HSF5: variants seen among roughly 807,000 people sequenced by gnomAD.
The protein encoded by HSF5 is heat shock factor protein 5.
A neutral mutation model predicts 50.8 loss-of-function variants in HSF5; 5 were observed. The ratio of observed to expected loss-of-function variants is 0.10; its 90% confidence interval spans 0.05 to 0.21. The LOEUF is 0.21. Among genes scored for constraint, HSF5 ranks in the 10% least tolerant of loss-of-function variants. HSF5 has a pLI of 1.00. For synonymous variants in HSF5, 307 were observed against 307.4 expected (o/e 1.00, Z 0.02); for missense variants, 564 against 762.6 (o/e 0.74, Z 3.07).
intron 2 of HSF5, 36 bp from the exon 3 acceptor site, chr17:58,467,015 A>G: frequency 7.4e-7 from 1 of 1,352,102 alleles, no homozygotes; most frequent in Non-Finnish European, 1.1e-6. Context: ...GCCATCAACC[A>G]CAATACATTT....
At chr17:58,476,386 C>T (rs1353035201) in intron 2 of HSF5, 2 of 1,033,402 alleles carry the variant, frequency 1.9e-6, no homozygotes, top group Admixed American at 3.4e-5. Context: ...GGTAAAGAAG[C>T]TCCCTGGTTC....
chr17:58,485,539 G>C (rs1567920606), intron 1 of HSF5, among the ~76,000 whole-genome samples: 1 of 150,966 alleles, frequency 6.6e-6, no homozygotes, highest in Non-Finnish European at 1.5e-5. Context: ...TTGAGCCCAG[G>C]AGTTCCAGAC....
intron 5 of HSF5, among the ~76,000 whole-genome samples, chr17:58,430,437 G>A (rs143132907): frequency 6.6e-6 from 1 of 152,284 alleles, no homozygotes; most frequent in African/African-American, 2.4e-5. Context: ...GAGTCTGAGT[G>A]GACTAGGTGG....
intron 1 of HSF5, among the ~76,000 whole-genome samples, chr17:58,485,408 T>C (rs1386974540): frequency 6.6e-6 from 1 of 152,080 alleles, no homozygotes; most frequent in Non-Finnish European, 1.5e-5. Context: ...AATGGAATAT[T>C]GCCACCCTTG....
At chr17:58,464,696 G>A (rs968428701) in intron 3 of HSF5, among the ~76,000 whole-genome samples, 6 of 152,134 alleles carry the variant, frequency 3.9e-5, no homozygotes, top group Non-Finnish European at 7.4e-5. Context: ...GCGATGGCAC[G>A]ATCTTGGCTC....
rs1380173273 is a variant in HSF5 at position 58,458,889 on chromosome 17, T to A, written c.1599A>T (p.Glu533Asp). The A allele has an allele frequency of 6.2e-7, 1 of 1,614,162 alleles. No homozygotes were observed. Residue 533 changes from glutamate to aspartate, a missense_variant, in exon 5 of 6, where the codon GAA (glutamate) becomes GAT (aspartate). This residue lies in a region of HSF5 where 441 missense variants were observed against 533.6 expected (regional missense o/e 0.83). Transcript: ENST00000323777. ...TTTCTGAAATGAGGAATCCCATCTGTTCTGACGGCAAGATATTCTCACGTG... is the reference window on the plus strand; with the variant it reads ...TTTCTGAAATGAGGAATCCCATCTGATCTGACGGCAAGATATTCTCACGTG... ...TSSRENILPS[E>D]QMGFLISEMG... is the part of the protein sequence containing the mutation.
At chr17:58,446,390 G>C (rs1415397377) in intron 5 of HSF5, among the ~76,000 whole-genome samples, 1 of 152,206 alleles carries the variant, frequency 6.6e-6, no homozygotes, top group South Asian at 2.1e-4. Context: ...ACGCAATGCA[G>C]CATAGAGAAA....
At chr17:58,439,522 T>C (rs1974472274) in intron 5 of HSF5, among the ~76,000 whole-genome samples, 1 of 152,136 alleles carries the variant, frequency 6.6e-6, no homozygotes, top group Non-Finnish European at 1.5e-5. Context: ...TTTGCTCTTG[T>C]TGCCCAGGCT....
At chr17:58,430,858 T>A (rs1974355699) in intron 5 of HSF5, among the ~76,000 whole-genome samples, 1 of 152,220 alleles carries the variant, frequency 6.6e-6, no homozygotes, top group African/African-American at 2.4e-5. Flanking sequence ...GAAAAATGTG[T>A]CATCAGGTGA....
At chr17:58,443,772 G>A (rs1160908872) in intron 5 of HSF5, among the ~76,000 whole-genome samples, 9 of 152,172 alleles carry the variant, frequency 5.9e-5, no homozygotes, top group Admixed American at 5.9e-4. Flanking sequence ...TCCCTCCGGA[G>A]TATTATCTGA....
At chr17:58,476,578 A>G (rs765266812) in intron 2 of HSF5, 104 of 1,513,570 alleles carry the variant, frequency 6.9e-5, no homozygotes, top group South Asian at 1.6e-4. Context: ...ATAAAAATCT[A>G]TTCTGTAACC....
At chr17:58,450,065 G>A (rs1239042441) in intron 5 of HSF5, among the ~76,000 whole-genome samples, 2 of 149,894 alleles carry the variant, frequency 1.3e-5, no homozygotes, top group African/African-American at 4.9e-5. Context: ...GCTGGACACG[G>A]TAGCTCACAC....
chr17:58,486,026 G>A (rs1028644226), intron 1 of HSF5, among the ~76,000 whole-genome samples: 1 of 152,028 alleles, frequency 6.6e-6, no homozygotes, highest in African/African-American at 2.4e-5. Flanking sequence ...CGGAGATCTT[G>A]CCATTGCACG....
chr17:58,458,202 AT>A (rs1974739605), intron 5 of HSF5, among the ~76,000 whole-genome samples: 1 of 152,220 alleles, frequency 6.6e-6, no homozygotes. Context: ...AAAAAATATG[AT>A]TTTGTCTTAT....
rs1385312664 is a variant in HSF5, at chr17:58,462,994, CCACAAAAGA to C, written c.1321_1329del (p.Ser441_Val443del). The C allele has an allele frequency of 6.2e-7, 1 of 1,614,220 alleles. No individual in the cohort carries two copies. The highest frequency in any genetic ancestry group is 2.2e-5 in the East Asian group (1 of 44,890). On this transcript the variant is annotated inframe_deletion, in exon 4 of 6. Coordinates refer to ENST00000323777, the MANE Select transcript of HSF5 (RefSeq NM_001080439.3). The stretch of plus-strand genomic sequence containing the variant: ...CAGGCAACTGCTTGTTCTGTTCCAA[CCACAAAAGA>C]CATAATATCTGAGCCTACAGGAGTA...
chr17:58,443,936 T>G (rs1325878934), intron 5 of HSF5, among the ~76,000 whole-genome samples: 1 of 152,146 alleles, frequency 6.6e-6, no homozygotes, highest in African/African-American at 2.4e-5. Flanking sequence ...GGAGAATGTA[T>G]TTGTGCACTG....
In HSF5 at chr17:58,421,338, G is replaced by A. The variant is rs1308058707; in HGVS notation, c.*1022C>T. The A allele has an allele frequency of 1.3e-5, 2 of 152,574 alleles. No individual in the cohort carries two copies. Among genetic ancestry groups the A allele is most frequent in the Non-Finnish European group, 2.9e-5 (2 of 68,024 alleles). The allele number at this position is 152,574 out of a possible 1,614,324, so 9.5% of individuals were successfully genotyped here. On this transcript the variant is annotated 3_prime_UTR_variant, in exon 6 of 6. Coordinates refer to ENST00000323777, the MANE Select transcript of HSF5 (RefSeq NM_001080439.3). The stretch of plus-strand genomic sequence containing the variant: ...GAGGCATAGCTTCTACTAAATGGCT[G>A]CTAATCAGTTTTTTCCCAAATTTGC...
At chr17:58,430,932 A>G (rs1567905490) in intron 5 of HSF5, among the ~76,000 whole-genome samples, 1 of 152,186 alleles carries the variant, frequency 6.6e-6, no homozygotes, top group African/African-American at 2.4e-5. Context: ...AGCCTACTAC[A>G]TACTGATATA....
At chr17:58,484,945 ATTTTTTTT>A (rs143908081) in intron 1 of HSF5, among the ~76,000 whole-genome samples, 1 of 65,136 alleles carries the variant, frequency 1.5e-5, no homozygotes. Flanking sequence ...AATAACCCAG[ATTTTTTTT>A]TTTTTTTTTT....
Sources: allele counts gnomAD v4.1 joint callset (sites outside exome capture counted in the v4.1 genomes callset), GRCh38; gene constraint gnomAD v4.1.1; regional missense constraint gnomAD v4.1.1; transcripts MANE v1.5; gene names NCBI Gene and HGNC (gene_info 2026-07-23, HGNC 2026-07-21).